Variants in PDE9A observed in about 807,000 individuals in gnomAD.
PDE9A encodes the protein high affinity cGMP-specific 3',5'-cyclic phosphodiesterase 9A.
A neutral mutation model predicts 87.4 loss-of-function variants in PDE9A; 60 were observed. That is an observed-to-expected ratio of 0.69 (90% CI 0.56 to 0.85). The LOEUF is 0.85. Ranked by LOEUF, PDE9A falls within the 40% of genes least tolerant of loss-of-function variation. PDE9A has a pLI of 0.00. For missense variants in PDE9A, 665 were observed against 779.0 expected, an observed-to-expected ratio of 0.85 and a Z score of 1.74; for synonymous variants, 272 against 279.4, an observed-to-expected ratio of 0.97 and a Z score of 0.27.
Position 42,722,644 on chromosome 21 carries a change from G to A in PDE9A, c.263-9126G>A, listed in dbSNP as rs866833111. Among the ~76,000 whole-genome samples the A allele has an allele frequency of 6.6e-5, 10 of 152,162 alleles. No individual in the cohort carries two copies. Among genetic ancestry groups the A allele is most frequent in the Non-Finnish European group, 1.0e-4 (7 of 68,038 alleles). ...TATTGCTAGGGCCATGTGTGCATTC[G>A]TTTGCCTAGGGGAGAAAAGTACACA... On this transcript the variant is annotated intron_variant, in intron 4 of 19. Coordinates refer to ENST00000291539, the MANE Select transcript of PDE9A (RefSeq NM_002606.3). The surrounding 1 kb of genome is among the most constrained non-coding windows in gnomAD (Gnocchi z 4.1).
intron 4 of PDE9A, among the ~76,000 whole-genome samples, chr21:42,710,203 T>G (rs982131939): frequency 2.7e-5 from 4 of 150,926 alleles, no homozygotes; most frequent in African/African-American, 9.8e-5. Flanking sequence ...AGGTCAGGAG[T>G]TCGAGACCAG....
Position 42,720,159 on chromosome 21 carries a change from C to T in PDE9A, c.263-11611C>T, listed in dbSNP as rs190618057. On this transcript the variant is annotated intron_variant, in intron 4 of 19. Transcript: ENST00000291539. ...GGCTCCCAAATTCAAATTCCCCCAG[C>T]GGCATCCGTTCGGTTATTCGTACCC... 7.2e-4 allele frequency among the ~76,000 whole-genome samples: 109 copies of T among 152,292 alleles called. 1 individual carries two copies. Among genetic ancestry groups the T allele is most frequent in the Non-Finnish European group, 9.7e-4 (66 of 68,022 alleles).
intron 4 of PDE9A, among the ~76,000 whole-genome samples, chr21:42,719,172 C>A (rs1008687139): frequency 6.6e-6 from 1 of 151,736 alleles, no homozygotes; most frequent in Non-Finnish European, 1.5e-5. Flanking sequence ...GTAGTTTATA[C>A]AGAATTTGGG....
chr21:42,743,903 G>T (rs780205538), intron 8 of PDE9A, 43 bp downstream of exon 8: 1 of 1,163,074 alleles, frequency 8.6e-7, no homozygotes, highest in South Asian at 1.3e-5. Flanking sequence ...GCCTGGGGAG[G>T]GCTCCCCGTA....
Position 42,758,954 on chromosome 21 carries a change from C to T in PDE9A, c.811-45C>T, listed in dbSNP as rs956330713. On this transcript the variant is annotated intron_variant, in intron 10 of 19. Transcript: ENST00000291539. Reference sequence around the variant, plus strand: ...GGAAGGAAGCCAGGGGCTGGGGAGCCGGCCACACAACTGCCCAGTGCCTAT... The same window carrying T: ...GGAAGGAAGCCAGGGGCTGGGGAGCTGGCCACACAACTGCCCAGTGCCTAT... The T allele has an allele frequency of 4.8e-6, 7 of 1,457,706 alleles. No homozygotes were observed. The East Asian group carries it at 9.1e-5, about 19-fold the overall frequency. The allele number at this position is 1,457,706 out of a possible 1,614,324, so 90.3% of individuals were successfully genotyped here. A position where few individuals can be genotyped will look rare whatever the true frequency, so the allele number is the denominator to read the frequency against.
chr21:42,670,245 A>T (rs1367521842), intron 1 of PDE9A, among the ~76,000 whole-genome samples: 33 of 92,326 alleles, frequency 3.6e-4, no homozygotes, highest in East Asian at 1.5e-3. Flanking sequence ...TCACACTCAT[A>T]CACATACATA....
In PDE9A at chr21:42,762,976, A is replaced by G. The variant is rs1055805202; in HGVS notation, c.1242+737A>G. Among the ~76,000 whole-genome samples, 6 of 152,178 alleles carry G rather than the reference A, an allele frequency of 3.9e-5. 1 individual carries two copies. The highest frequency in any genetic ancestry group is 2.6e-4 in the Admixed American group (4 of 15,280). Reference sequence around the variant, plus strand: ...CCAAAGTGCTGGGATTACAGGTGTGAGCCACCACGCCCGGCCACCCCTTCC... The same window carrying G: ...CCAAAGTGCTGGGATTACAGGTGTGGGCCACCACGCCCGGCCACCCCTTCC... On this transcript the variant is annotated intron_variant, in intron 14 of 19. Transcript: ENST00000291539.
rs1195851886 is a variant in PDE9A, at chr21:42,696,655, C to G, written c.219-2313C>G. ...CCCGGCTTCTCTGCTGCCCACCCTCCACTCTGTCCTCCCAGCCCAGGCCCT... is the reference window on the plus strand; with the variant it reads ...CCCGGCTTCTCTGCTGCCCACCCTCGACTCTGTCCTCCCAGCCCAGGCCCT... On this transcript the variant is annotated intron_variant, in intron 3 of 19. Transcript: ENST00000291539. This position sits in a 1 kb window ranked among gnomAD's most constrained non-coding sequence, Gnocchi z 5.1. 2.0e-5 allele frequency among the ~76,000 whole-genome samples: 3 copies of G among 152,226 alleles called. No individual in the cohort carries two copies. The highest frequency in any genetic ancestry group is 2.9e-5 in the Non-Finnish European group (2 of 68,030).
At position 42,759,438 on chromosome 21, in the gene PDE9A, T is replaced by A. The variant is rs950408195; in HGVS notation, c.897+353T>A. Among the ~76,000 whole-genome samples, 7 of 143,298 alleles carry A rather than the reference T, an allele frequency of 4.9e-5. No homozygotes were observed. Among genetic ancestry groups the A allele is most frequent in the African/African-American group, 1.6e-4 (6 of 37,890 alleles). The allele number at this position is 143,298 out of a possible 152,430, so 94.0% of individuals were successfully genotyped here. ...GTGAGAGTGAGTATGGGGGTGTGGA[T>A]GTGAGTGTGTGTGAGTGTGGGGTGT... is the stretch of plus-strand genomic sequence containing the variant. On this transcript the variant is annotated intron_variant, in intron 11 of 19. Coordinates refer to ENST00000291539, the MANE Select transcript of PDE9A (RefSeq NM_002606.3). This position sits in a 1 kb window ranked among gnomAD's most constrained non-coding sequence, Gnocchi z 7.2.
chr21:42,690,297 C>T (rs1392903195), intron 3 of PDE9A, among the ~76,000 whole-genome samples: 2 of 152,050 alleles, frequency 1.3e-5, no homozygotes, highest in South Asian at 2.1e-4. Context: ...AAGTTAGACG[C>T]GGATGAGGAT....
Position 42,653,884 on chromosome 21 carries a change from G to T in PDE9A, c.69+1G>T. On this transcript the variant is annotated splice_donor_variant, in intron 1 of 19. Transcript: ENST00000291539. LOFTEE classifies it high-confidence loss of function. ...GGACATCGATGGACGCATTCAGAAG[G>T]TAGCCCCTCCCCCACCCAGACACCC... 6.5e-7 allele frequency: 1 copy of T among 1,541,080 alleles called. No individual in the cohort carries two copies. Among genetic ancestry groups the T allele is most frequent in the Non-Finnish European group, 8.8e-7 (1 of 1,138,608 alleles).
chr21:42,699,118 A>G, intron 4 of PDE9A, 107 bp downstream of exon 4: 1 of 750,318 alleles, frequency 1.3e-6, no homozygotes, highest in Non-Finnish European at 2.4e-6. Context: ...TAAGCATTTG[A>G]AATATATATG....
intron 6 of PDE9A, 22 bp downstream of exon 6, chr21:42,732,146 C>T: frequency 6.2e-7 from 1 of 1,609,190 alleles, no homozygotes; most frequent in Non-Finnish European, 8.5e-7. Context: ...TCTAAACTTA[C>T]AACCAGCCAG....
intron 7 of PDE9A, 112 bp from the exon 8 acceptor site, chr21:42,743,664 A>C: frequency 1.5e-6 from 1 of 688,228 alleles, no homozygotes; most frequent in South Asian, 1.7e-5. Flanking sequence ...GGACCTCTGC[A>C]CTGAGGTATA....
rs1172834090 is a variant in PDE9A at position 42,675,861 on chromosome 21, C to T, written c.70-10331C>T. On this transcript the variant is annotated intron_variant, in intron 1 of 19. Transcript: ENST00000291539. The surrounding 1 kb of genome is among the most constrained non-coding windows in gnomAD (Gnocchi z 4.3). The stretch of plus-strand genomic sequence containing the variant: ...CTGATGTCGTTTAGATATTTGTCCC[C>T]GCCAAATCTCATGTTGAATTGGTAT... Among the ~76,000 whole-genome samples, 2 of 152,186 alleles carry T rather than the reference C, an allele frequency of 1.3e-5. No individual in the cohort carries two copies. The highest frequency in any genetic ancestry group is 2.4e-5 in the African/African-American group (1 of 41,444).
intron 4 of PDE9A, among the ~76,000 whole-genome samples, chr21:42,710,903 G>A (rs945502788): frequency 4.6e-5 from 7 of 152,272 alleles, no homozygotes; most frequent in African/African-American, 1.4e-4. Context: ...CAGGAGAATC[G>A]CTTGAACCCA....
At chr21:42,714,915 G>C (rs183441043) in intron 4 of PDE9A, among the ~76,000 whole-genome samples, 1 of 147,214 alleles carries the variant, frequency 6.8e-6, no homozygotes, top group Non-Finnish European at 1.5e-5. Flanking sequence ...AGTCTTTGTT[G>C]ATATGGTTGG....
intron 7 of PDE9A, among the ~76,000 whole-genome samples, chr21:42,735,543 C>T (rs2052309784): frequency 6.6e-6 from 1 of 152,204 alleles, no homozygotes; most frequent in Non-Finnish European, 1.5e-5. Flanking sequence ...ATGCCTGTCT[C>T]CTAGAACCTT....
intron 17 of PDE9A, among the ~76,000 whole-genome samples, chr21:42,769,703 CACACAGGT>C (rs2056840428): frequency 6.7e-6 from 1 of 148,650 alleles, no homozygotes; most frequent in Non-Finnish European, 1.5e-5. Flanking sequence ...TACACACATG[CACACAGGT>C]ACACGCAGGC....
Sources: allele counts gnomAD v4.1 joint callset (sites outside exome capture counted in the v4.1 genomes callset), GRCh38; gene constraint gnomAD v4.1.1; non-coding constraint Gnocchi (gnomAD v3.1); transcripts MANE v1.5; gene names NCBI Gene and HGNC (gene_info 2026-07-23, HGNC 2026-07-21).